DGKG: variants seen among roughly 807,000 people sequenced by gnomAD.
DGKG encodes diacylglycerol kinase gamma.
Under a neutral mutation model 105.3 loss-of-function variants are expected in DGKG, and 78 were observed. The observed-to-expected ratio is 0.74, with a 90% CI of 0.62 to 0.89. The LOEUF (loss-of-function observed/expected upper bound fraction) is 0.89, where lower values mean the gene tolerates loss of function less well. Among genes scored for constraint, DGKG ranks in the 40% least tolerant of loss-of-function variants. The pLI, the probability that DGKG is intolerant of heterozygous loss-of-function variation, is 0.00. For missense variants in DGKG, 958 were observed against 1,020.1 expected (o/e 0.94, Z 0.83); for synonymous variants, 346 against 367.1 (o/e 0.94, Z 0.66).
chr3:186,246,766 A>G (rs1327706954), intron 19 of DGKG, among the ~76,000 whole-genome samples: 1 of 152,194 alleles, frequency 6.6e-6, no homozygotes, highest in East Asian at 1.9e-4. Context: ...GACGCTTATC[A>G]TGGTGGGAAG....
intron 1 of DGKG, among the ~76,000 whole-genome samples, chr3:186,342,275 T>C (rs1287529100): frequency 6.6e-6 from 1 of 152,196 alleles, no homozygotes; most frequent in Non-Finnish European, 1.5e-5. Flanking sequence ...AGAGATATCA[T>C]GAGTGAGCAG....
At chr3:186,275,465 C>A in intron 10 of DGKG, 82 bp downstream of exon 10, 2 of 1,225,568 alleles carry the variant, frequency 1.6e-6, no homozygotes, top group South Asian at 2.6e-5. Context: ...GAAATACCAA[C>A]ATTTTCTCTG....
intron 23 of DGKG, among the ~76,000 whole-genome samples, chr3:186,163,775 C>G (rs992929744): frequency 1.3e-5 from 2 of 152,074 alleles, no homozygotes. Context: ...TCAGGATGTT[C>G]TGTTCTCTGT....
chr3:186,214,080 GA>G (rs2108522704), intron 20 of DGKG, among the ~76,000 whole-genome samples: 1 of 152,274 alleles, frequency 6.6e-6, no homozygotes, highest in South Asian at 2.1e-4. Context: ...TTATTGCCAG[GA>G]GATTTAGAGT....
At chr3:186,254,621 A>G (rs1057438312) in intron 17 of DGKG, among the ~76,000 whole-genome samples, 2 of 151,778 alleles carry the variant, frequency 1.3e-5, no homozygotes, top group Non-Finnish European at 2.9e-5. Context: ...ATCACATTCT[A>G]TGTGTTGTCT....
chr3:186,245,690 A>G (rs1720905703), intron 19 of DGKG, among the ~76,000 whole-genome samples: 1 of 152,176 alleles, frequency 6.6e-6, no homozygotes, highest in African/African-American at 2.4e-5. Context: ...AGATGGTGGA[A>G]GGTATGGACA....
intron 24 of DGKG, chr3:186,161,101 G>T: frequency 1.0e-6 from 1 of 987,370 alleles, no homozygotes; most frequent in Non-Finnish European, 1.2e-6. Flanking sequence ...GCACCGACTG[G>T]GAGGCATGTC....
intron 24 of DGKG, chr3:186,160,860 C>T: frequency 8.1e-6 from 8 of 985,398 alleles, no homozygotes; most frequent in Non-Finnish European, 9.6e-6. Flanking sequence ...GGCTCCTGTC[C>T]TAGTGCTAAA....
intron 22 of DGKG, among the ~76,000 whole-genome samples, chr3:186,173,423 A>G (rs1716923958): frequency 6.6e-6 from 1 of 152,260 alleles, no homozygotes; most frequent in Admixed American, 6.5e-5. Context: ...CTCCTCAGAA[A>G]GAAAAGACAC....
At chr3:186,154,638 C>CTT (rs908411642) in intron 24 of DGKG, among the ~76,000 whole-genome samples, 7 of 122,744 alleles carry the variant, frequency 5.7e-5, no homozygotes, top group African/African-American at 2.3e-4. Context: ...GAGCGAGACT[C>CTT]TGTCTCAAAA....
At chr3:186,198,875 A>C (rs1355865713) in intron 21 of DGKG, among the ~76,000 whole-genome samples, 1 of 152,254 alleles carries the variant, frequency 6.6e-6, no homozygotes, top group Non-Finnish European at 1.5e-5. Context: ...TTCTAGTGTC[A>C]ATAACCTGAT....
chr3:186,262,008 G>A (rs1440008304), intron 14 of DGKG: 2 of 451,238 alleles, frequency 4.4e-6, no homozygotes, highest in African/African-American at 4.0e-5. Flanking sequence ...CAGGATCAGC[G>A]ATGGGACAAT....
intron 21 of DGKG, among the ~76,000 whole-genome samples, chr3:186,192,601 G>C (rs962407608): frequency 6.6e-6 from 1 of 152,098 alleles, no homozygotes; most frequent in African/African-American, 2.4e-5. Flanking sequence ...CTTGCTCAAG[G>C]CTCCACAGCT....
intron 10 of DGKG, among the ~76,000 whole-genome samples, chr3:186,274,312 T>A (rs1338089018): frequency 6.6e-6 from 1 of 152,158 alleles, no homozygotes; most frequent in Admixed American, 6.5e-5. Context: ...CTCAGCCTCC[T>A]GAGTAGCTGG....
At chr3:186,261,607 G>C in intron 15 of DGKG, 92 bp downstream of exon 15, 2 of 915,300 alleles carry the variant, frequency 2.2e-6, no homozygotes, top group South Asian at 1.4e-5. Flanking sequence ...GAGTCTGCCT[G>C]TCTCCACAGC....
At chr3:186,221,052 A>G (rs1460983041) in intron 20 of DGKG, among the ~76,000 whole-genome samples, 1 of 152,222 alleles carries the variant, frequency 6.6e-6, no homozygotes, top group Non-Finnish European at 1.5e-5. Context: ...GGCCGCAACA[A>G]GAAGGCTTCC....
At chr3:186,277,160 T>A (rs910756620) in intron 9 of DGKG, among the ~76,000 whole-genome samples, 2 of 152,240 alleles carry the variant, frequency 1.3e-5, no homozygotes, top group African/African-American at 4.8e-5. Context: ...CATTTATTCG[T>A]TTGACCAACA....
intron 24 of DGKG, among the ~76,000 whole-genome samples, chr3:186,155,585 T>C (rs1265690928): frequency 1.3e-5 from 2 of 152,242 alleles, no homozygotes; most frequent in East Asian, 1.9e-4. Flanking sequence ...GACATTCTTA[T>C]ATATCAATCT....
chr3:186,305,974 G>A (rs1218998302), intron 3 of DGKG, among the ~76,000 whole-genome samples: 1 of 152,182 alleles, frequency 6.6e-6, no homozygotes, highest in Non-Finnish European at 1.5e-5. Flanking sequence ...AAGTGTAAAT[G>A]TCAAGTAGAA....
Sources: allele counts gnomAD v4.1 joint callset (sites outside exome capture counted in the v4.1 genomes callset), GRCh38; gene constraint gnomAD v4.1.1; transcripts MANE v1.5; gene names NCBI Gene and HGNC (gene_info 2026-07-23, HGNC 2026-07-21).